CNBD1: variants seen among roughly 807,000 people sequenced by gnomAD.
CNBD1 encodes the protein cyclic nucleotide-binding domain-containing protein 1.
In CNBD1, 71 loss-of-function variants were observed where a neutral mutation model predicts 54.4. The observed-to-expected ratio is 1.30, with a 90% CI of 1.08 to 1.59. CNBD1 has a LOEUF of 1.59. CNBD1 is among the 40% of genes most tolerant of loss of function. The probability of loss-of-function intolerance (pLI) is 0.00; values close to 1 mark genes in which losing one functional copy is unlikely to be tolerated. For synonymous variants in CNBD1, 182 were observed against 170.7 expected (o/e 1.07, Z -0.51); for missense variants, 659 against 518.0 (o/e 1.27, Z -2.64).
At chr8:87,372,424 T>A (rs1443821206) in intron 10 of CNBD1, among the ~76,000 whole-genome samples, 1 of 151,964 alleles carries the variant, frequency 6.6e-6, no homozygotes, top group Non-Finnish European at 1.5e-5. Flanking sequence ...TATTTCTGGT[T>A]CCTCACTGGA....
chr8:87,394,481 C>T (rs565809905), intron 2 of CNBD1, among the ~76,000 whole-genome samples: 1 of 151,952 alleles, frequency 6.6e-6, no homozygotes, highest in South Asian at 2.1e-4. Flanking sequence ...TTCTGTCTGT[C>T]TTCCTCAAAT....
At chr8:87,203,908 C>A (rs946188944) in intron 4 of CNBD1, among the ~76,000 whole-genome samples, 1 of 152,150 alleles carries the variant, frequency 6.6e-6, no homozygotes, top group African/African-American at 2.4e-5. Flanking sequence ...TTCAGAGCAA[C>A]ATTGCTGTTT....
intron 2 of CNBD1, among the ~76,000 whole-genome samples, chr8:87,392,524 A>T (rs958862478): frequency 3.3e-5 from 5 of 152,012 alleles, no homozygotes; most frequent in Non-Finnish European, 5.9e-5. Flanking sequence ...AACCTTGAAA[A>T]CTTTTTGCTA....
chr8:87,324,049 T>A, intron 8 of CNBD1, among the ~76,000 whole-genome samples: 1 of 126,026 alleles, frequency 7.9e-6, no homozygotes, highest in East Asian at 2.0e-4. Context: ...TTTCTGCATC[T>A]ATTGAGATAA....
At chr8:87,332,458 C>T (rs961266841) in intron 8 of CNBD1, among the ~76,000 whole-genome samples, 1 of 151,976 alleles carries the variant, frequency 6.6e-6, no homozygotes, top group South Asian at 2.1e-4. Context: ...TTTACCCATG[C>T]CTATTTCCTG....
At chr8:87,010,768 C>T (rs1214528082) in intron 4 of CNBD1, among the ~76,000 whole-genome samples, 2 of 152,080 alleles carry the variant, frequency 1.3e-5, no homozygotes, top group African/African-American at 4.8e-5. Context: ...AAAAAACTCC[C>T]ATTCTGTGAT....
intron 4 of CNBD1, among the ~76,000 whole-genome samples, chr8:87,083,585 C>CCTTTTTTTTTTTT (rs1563461724): frequency 8.5e-6 from 1 of 117,162 alleles, no homozygotes. Flanking sequence ...CAATGTATTT[C>CCTTTTTTTTTTTT]TTTTTTTTTT....
At chr8:86,906,488 A>AAG (rs369326662) in intron 3 of CNBD1, among the ~76,000 whole-genome samples, 64,928 of 151,856 alleles carry the variant, frequency 0.43, 14,498 homozygotes, top group African/African-American at 0.56. Context: ...CCCTAGATGT[A>AAG]CATACATCTG....
intron 4 of CNBD1, among the ~76,000 whole-genome samples, chr8:87,142,297 A>T (rs1472979627): frequency 1.3e-5 from 2 of 152,262 alleles, no homozygotes; most frequent in Admixed American, 6.5e-5. Flanking sequence ...ATCAGTAATG[A>T]AGTCCTTTGC....
chr8:87,087,290 TA>T (rs935388941), intron 4 of CNBD1, among the ~76,000 whole-genome samples: 4 of 144,044 alleles, frequency 2.8e-5, no homozygotes, highest in African/African-American at 1.0e-4. Flanking sequence ...TATATATATA[TA>T]TTTTTTATTG....
At chr8:87,189,632 G>C (rs1049299718) in intron 4 of CNBD1, among the ~76,000 whole-genome samples, 2 of 152,034 alleles carry the variant, frequency 1.3e-5, no homozygotes, top group Non-Finnish European at 2.9e-5. Context: ...TAAATTTGTT[G>C]GCATTAACCT....
chr8:86,936,699 T>C (rs1563828597), intron 3 of CNBD1, among the ~76,000 whole-genome samples: 1 of 142,184 alleles, frequency 7.0e-6, no homozygotes, highest in Non-Finnish European at 1.5e-5. Context: ...GCTGAGATCG[T>C]ACCACTGCAC....
At chr8:86,928,718 T>A (rs1809407494) in intron 3 of CNBD1, among the ~76,000 whole-genome samples, 1 of 152,198 alleles carries the variant, frequency 6.6e-6, no homozygotes, top group African/African-American at 2.4e-5. Flanking sequence ...CTATTTTTTG[T>A]TCCCCTAGAG....
intron 3 of CNBD1, among the ~76,000 whole-genome samples, chr8:86,927,775 A>T (rs1016169085): frequency 1.3e-5 from 2 of 152,126 alleles, no homozygotes; most frequent in African/African-American, 2.4e-5. Context: ...TTTCACTTAT[A>T]TTTTTTAAGT....
chr8:86,957,062 G>T (rs1188708507), intron 4 of CNBD1, among the ~76,000 whole-genome samples: 2 of 152,096 alleles, frequency 1.3e-5, no homozygotes, highest in Non-Finnish European at 2.9e-5. Context: ...TTCACCAAAG[G>T]CTTTTTCTGC....
chr8:86,884,219 C>G (rs1808648540), intron 1 of CNBD1, among the ~76,000 whole-genome samples: 1 of 152,012 alleles, frequency 6.6e-6, no homozygotes, highest in African/African-American at 2.4e-5. Context: ...CCCCACCACT[C>G]CCCCACTGCC....
At chr8:86,902,637 G>A (rs1295322993) in intron 2 of CNBD1, among the ~76,000 whole-genome samples, 1 of 151,806 alleles carries the variant, frequency 6.6e-6, no homozygotes, top group Non-Finnish European at 1.5e-5. Flanking sequence ...ATCTGCTTGA[G>A]GAAGTTGGAG....
At chr8:87,350,627 T>C (rs1488763621) in intron 8 of CNBD1, among the ~76,000 whole-genome samples, 1 of 151,908 alleles carries the variant, frequency 6.6e-6, no homozygotes, top group Non-Finnish European at 1.5e-5. Context: ...AGAAAACAAA[T>C]AGGGATGCCT....
At chr8:87,373,156 G>A (rs1030014014) in intron 10 of CNBD1, among the ~76,000 whole-genome samples, 1 of 151,586 alleles carries the variant, frequency 6.6e-6, no homozygotes, top group African/African-American at 2.4e-5. Context: ...TTTAATTATT[G>A]GCTCTTATTT....
Sources: gnomAD v4.1 joint callset for allele counts (sites outside exome capture counted in the v4.1 genomes callset) on GRCh38, gnomAD v4.1.1 for gene constraint, MANE v1.5 for transcripts, NCBI Gene and HGNC (gene_info 2026-07-23, HGNC 2026-07-21) for gene names.